PIK3C2A: variants seen among roughly 807,000 people sequenced by gnomAD.
The protein encoded by PIK3C2A is phosphatidylinositol-4-phosphate 3-kinase catalytic subunit type 2 alpha.
A neutral mutation model predicts 204.5 loss-of-function variants in PIK3C2A; 97 were observed. The observed-to-expected ratio is 0.47, with a 90% CI of 0.40 to 0.56. The LOEUF (loss-of-function observed/expected upper bound fraction) is 0.56. PIK3C2A is among the 20% of genes least tolerant of loss of function. The pLI, the probability that PIK3C2A is intolerant of heterozygous loss-of-function variation, is 0.00. For missense variants in PIK3C2A, 1,735 were observed against 1,969.2 expected (o/e 0.88, Z 2.25); for synonymous variants, 653 against 664.4 (o/e 0.98, Z 0.26).
chr11:17,178,092 CAAAAAAAAAA>C (rs750346823), intron 1 of PIK3C2A, among the ~76,000 whole-genome samples: 1 of 64,136 alleles, frequency 1.6e-5, no homozygotes, highest in African/African-American at 9.7e-5. Context: ...GACTCCATCT[CAAAAAAAAAA>C]AAAAAAAAAA....
intron 21 of PIK3C2A, among the ~76,000 whole-genome samples, chr11:17,111,888 A>C (rs1366308941): frequency 2.3e-4 from 35 of 151,074 alleles, no homozygotes; most frequent in Admixed American, 6.6e-5. Context: ...AAAACAAAAA[A>C]AAAAAAAAAA....
At chr11:17,122,609 GTTTC>G (rs1156571438) in intron 14 of PIK3C2A, 89 bp downstream of exon 14, 4 of 685,180 alleles carry the variant, frequency 5.8e-6, no homozygotes, top group Non-Finnish European at 1.0e-5. Context: ...GATCAGTTAG[GTTTC>G]TTTAACAACC....
At chr11:17,119,649 T>C (rs998620163) in intron 16 of PIK3C2A, 137 bp downstream of exon 16, 1 of 563,292 alleles carries the variant, frequency 1.8e-6, no homozygotes, top group African/African-American at 2.0e-5. Context: ...AGAAGATATG[T>C]TTGTATAAAT....
intron 12 of PIK3C2A, among the ~76,000 whole-genome samples, chr11:17,131,572 C>A (rs544363166): frequency 1.3e-5 from 2 of 151,896 alleles, no homozygotes; most frequent in Non-Finnish European, 2.9e-5. Context: ...CAGGCGCCCG[C>A]CACCACGCCC....
At chr11:17,194,121 A>G in intron 1 of PIK3C2A, 3 of 719,696 alleles carry the variant, frequency 4.2e-6, no homozygotes, top group Non-Finnish European at 5.8e-6. Context: ...AGCAAGCTCC[A>G]TCGACTTGCC....
intron 3 of PIK3C2A, among the ~76,000 whole-genome samples, chr11:17,152,678 T>C (rs1456399186): frequency 2.0e-5 from 3 of 152,150 alleles, no homozygotes; most frequent in Non-Finnish European, 4.4e-5. Flanking sequence ...TAAAAGGCTT[T>C]GTCTATTTAG....
chr11:17,130,030 G>A (rs1333747991), intron 12 of PIK3C2A, among the ~76,000 whole-genome samples: 1 of 152,118 alleles, frequency 6.6e-6, no homozygotes, highest in African/African-American at 2.4e-5. Context: ...AAATGCCTTT[G>A]AGATTTCTAG....
chr11:17,119,068 A>G (rs1045540812), intron 17 of PIK3C2A, 152 bp downstream of exon 17: 4 of 595,764 alleles, frequency 6.7e-6, no homozygotes, highest in African/African-American at 5.7e-5. Flanking sequence ...AATAGTGGGG[A>G]AAAAATTCAC....
Position 17,089,699 on chromosome 11 carries a change from A to AT in PIK3C2A, c.*38dup. On this transcript the variant is annotated 3_prime_UTR_variant, in exon 33 of 33. Transcript: ENST00000691414. Reference sequence around the variant, plus strand: ...TGTGTGCATGTATGCATGCACGTTTATAACTGTTCATGCTTCCAAAGCTCA... The same window carrying AT: ...TGTGTGCATGTATGCATGCACGTTTATTAACTGTTCATGCTTCCAAAGCTCA... The AT allele has an allele frequency of 7.1e-7, 1 of 1,417,764 alleles. No individual in the cohort carries two copies. The highest frequency in any genetic ancestry group is 9.9e-7 in the Non-Finnish European group (1 of 1,009,342). The allele number at this position is 1,417,764 out of a possible 1,614,324, so 87.8% of individuals were successfully genotyped here.
chr11:17,131,672 T>C lies in PIK3C2A; in HGVS notation c.2231+244A>G, dbSNP rs373774966. Among the ~76,000 whole-genome samples, 24 of 152,214 alleles carry C rather than the reference T, an allele frequency of 1.6e-4. 1 individual carries two copies. Among genetic ancestry groups the C allele is most frequent in the South Asian group, 2.1e-4 (1 of 4,822 alleles). On this transcript the variant is annotated intron_variant, in intron 12 of 32. Transcript: ENST00000691414. ...TCCTGACCTCATGATCCGCCCGCCT[T>C]GGCCTCCCAAAGTGCTGGGATTACA...
At chr11:17,157,230 C>T (rs547455786) in intron 2 of PIK3C2A, among the ~76,000 whole-genome samples, 1 of 152,170 alleles carries the variant, frequency 6.6e-6, no homozygotes, top group East Asian at 1.9e-4. Context: ...GAGGCCAAGG[C>T]AGGCGGATCA....
chr11:17,113,743 T>C (rs1251105802), intron 20 of PIK3C2A, among the ~76,000 whole-genome samples: 11 of 145,920 alleles, frequency 7.5e-5, no homozygotes. Flanking sequence ...GATTGCACCA[T>C]TGCATTCCAG....
intron 13 of PIK3C2A, among the ~76,000 whole-genome samples, chr11:17,127,816 T>C (rs988329466): frequency 1.3e-5 from 2 of 152,200 alleles, no homozygotes; most frequent in African/African-American, 4.8e-5. Flanking sequence ...TATTAAAGCA[T>C]TTCCCAAACT....
chr11:17,134,883 T>C lies in PIK3C2A; in HGVS notation c.2044A>G (p.Thr682Ala). Residue 682 changes from threonine (T) to alanine (A), a missense_variant, in exon 11 of 33, where the codon ACA becomes GCA. Transcript: ENST00000691414. ...ATAGTAAACTGGAGCTGCTCTGTTG[T>C]AGTCCATGCTTCCTTGACACTCTTG... is the stretch of plus-strand genomic sequence containing the variant. ...SSKSVKEAWTTTEQLQFTIFA... is the reference protein window; with the variant it reads ...SSKSVKEAWTATEQLQFTIFA... The C allele has an allele frequency of 6.2e-7, 1 of 1,614,202 alleles. No homozygotes were observed.
At chr11:17,101,813 C>T (rs553500239) in intron 24 of PIK3C2A, among the ~76,000 whole-genome samples, 6 of 151,872 alleles carry the variant, frequency 4.0e-5, no homozygotes, top group South Asian at 2.1e-4. Flanking sequence ...CCGTGTTAGC[C>T]AGGATGGTCT....
intron 1 of PIK3C2A, among the ~76,000 whole-genome samples, chr11:17,200,143 G>A (rs1481345973): frequency 2.6e-5 from 4 of 151,610 alleles, no homozygotes; most frequent in African/African-American, 7.3e-5. Context: ...CTGAGATCGC[G>A]CCACTGCACT....
Position 17,088,484 on chromosome 11 carries a change from C to G in PIK3C2A, c.*1254G>C, listed in dbSNP as rs1234327784. On this transcript the variant is annotated 3_prime_UTR_variant, in exon 33 of 33. Transcript: ENST00000691414. The stretch of plus-strand genomic sequence containing the variant: ...CTCAAACTCCTGACCTCAGGTGATC[C>G]GCCCACCTTGGCCTCCCAAAGTGTT... The G allele has an allele frequency of 1.3e-5, 2 of 152,228 alleles. No homozygotes were observed. The highest frequency in any genetic ancestry group is 2.9e-5 in the Non-Finnish European group (2 of 68,080). The allele number at this position is 152,228 out of a possible 1,614,324, so 9.4% of individuals were successfully genotyped here. A position where few individuals can be genotyped will look rare whatever the true frequency, so the allele number is the denominator to read the frequency against.
chr11:17,173,097 A>C (rs1337445969), intron 1 of PIK3C2A, among the ~76,000 whole-genome samples: 1 of 152,208 alleles, frequency 6.6e-6, no homozygotes, highest in Admixed American at 6.5e-5. Context: ...TCTTATCAGA[A>C]TTCATCTTTT....
At chr11:17,178,092 C>CAAAAA (rs750346823) in intron 1 of PIK3C2A, among the ~76,000 whole-genome samples, 11 of 64,042 alleles carry the variant, frequency 1.7e-4, no homozygotes, top group South Asian at 4.5e-4. Flanking sequence ...GACTCCATCT[C>CAAAAA]AAAAAAAAAA....
Sources: gnomAD v4.1 joint callset for allele counts (sites outside exome capture counted in the v4.1 genomes callset) on GRCh38, gnomAD v4.1.1 for gene constraint, MANE v1.5 for transcripts, NCBI Gene and HGNC (gene_info 2026-07-23, HGNC 2026-07-21) for gene names.